The following GABRB2 variants were observed in gnomAD, a reference collection of about 807,000 sequenced individuals.
GABRB2 encodes gamma-aminobutyric acid receptor subunit beta-2.
GABRB2 carries 16 observed loss-of-function variants against 54.7 expected under a neutral mutation model. The observed-to-expected ratio is 0.29, with a 90% CI of 0.20 to 0.44. The LOEUF (loss-of-function observed/expected upper bound fraction) is 0.44. Among genes scored for constraint, GABRB2 ranks in the 20% least tolerant of loss-of-function variants. The pLI is 1.00. For synonymous variants in GABRB2, 244 were observed against 233.8 expected (o/e 1.04, Z -0.40); for missense variants, 355 against 644.0 (o/e 0.55, Z 4.86).
intron 3 of GABRB2, among the ~76,000 whole-genome samples, chr5:161,497,944 T>C (rs1581035343): frequency 6.6e-6 from 1 of 152,294 alleles, no homozygotes; most frequent in Non-Finnish European, 1.5e-5. Flanking sequence ...TTGGGGTTTT[T>C]AACTCAAATG....
At chr5:161,470,601 G>A (rs1758408146) in intron 3 of GABRB2, among the ~76,000 whole-genome samples, 2 of 151,792 alleles carry the variant, frequency 1.3e-5, no homozygotes, top group African/African-American at 4.8e-5. Context: ...TGATGAACAG[G>A]CAGATAACAC....
At chr5:161,518,820 C>A (rs910820394) in intron 3 of GABRB2, among the ~76,000 whole-genome samples, 1 of 152,138 alleles carries the variant, frequency 6.6e-6, no homozygotes, top group Non-Finnish European at 1.5e-5. Flanking sequence ...ATATGACAAA[C>A]TGCAATTTAT....
At chr5:161,397,448 A>G (rs1039426056) in intron 5 of GABRB2, among the ~76,000 whole-genome samples, 1 of 152,200 alleles carries the variant, frequency 6.6e-6, no homozygotes, top group Non-Finnish European at 1.5e-5. Flanking sequence ...TCAATAAATA[A>G]CCATAATAAA....
chr5:161,504,756 TAAA>T (rs554554929), intron 3 of GABRB2, among the ~76,000 whole-genome samples: 2 of 132,178 alleles, frequency 1.5e-5, no homozygotes, highest in Non-Finnish European at 3.3e-5. Context: ...TATCTGGAAT[TAAA>T]AAAAAAAGGT....
intron 9 of GABRB2, among the ~76,000 whole-genome samples, chr5:161,309,745 C>T (rs947435343): frequency 8.6e-5 from 13 of 152,006 alleles, no homozygotes; most frequent in African/African-American, 3.1e-4. Flanking sequence ...ATTCTCCTGC[C>T]TCAGCCTCCT....
chr5:161,400,418 C>A (rs1455461316), intron 5 of GABRB2, among the ~76,000 whole-genome samples: 3 of 152,068 alleles, frequency 2.0e-5, no homozygotes, highest in Non-Finnish European at 4.4e-5. Flanking sequence ...ACTAAGTAAA[C>A]ACGTTTGCAT....
At chr5:161,521,400 AT>A (rs1765282917) in intron 3 of GABRB2, among the ~76,000 whole-genome samples, 1 of 151,982 alleles carries the variant, frequency 6.6e-6, no homozygotes, top group Non-Finnish European at 1.5e-5. Context: ...TACGAACCAT[AT>A]AACTTTAGGT....
intron 4 of GABRB2, among the ~76,000 whole-genome samples, chr5:161,426,933 C>T (rs901081696): frequency 2.6e-5 from 4 of 152,054 alleles, no homozygotes; most frequent in Non-Finnish European, 5.9e-5. Context: ...TCATTTCATA[C>T]AAGCTGGAAG....
At chr5:161,500,982 C>A (rs1289399557) in intron 3 of GABRB2, among the ~76,000 whole-genome samples, 1 of 152,062 alleles carries the variant, frequency 6.6e-6, no homozygotes, top group Non-Finnish European at 1.5e-5. Flanking sequence ...TATCCCTCCC[C>A]CCTCCTCCCA....
At chr5:161,512,462 G>A (rs1759803970) in intron 3 of GABRB2, among the ~76,000 whole-genome samples, 1 of 151,994 alleles carries the variant, frequency 6.6e-6, no homozygotes, top group African/African-American at 2.4e-5. Flanking sequence ...AATAAGCAAT[G>A]GGGAAGGGAC....
chr5:161,495,628 G>T (rs1759216571), intron 3 of GABRB2, among the ~76,000 whole-genome samples: 2 of 152,006 alleles, frequency 1.3e-5, no homozygotes, highest in Non-Finnish European at 2.9e-5. Context: ...TGGCATTCAA[G>T]GCTCAATAAT....
rs148870334 is a variant in GABRB2 at position 161,311,363 on chromosome 5, G to T, written c.1191+15005C>A. ...AAGATATTTTAAAACAGCTTCACAC[G>T]CAATCTGTGATTCAAATGTGCAACT... On this transcript the variant is annotated intron_variant, in intron 9 of 9. Transcript: ENST00000393959. 6.0e-3 allele frequency among the ~76,000 whole-genome samples: 916 copies of T among 151,920 alleles called. 16 individuals are homozygous for T. Among genetic ancestry groups the T allele is most frequent in the African/African-American group, 0.021 (855 of 41,328 alleles).
chr5:161,444,297 C>T (rs369751368), intron 4 of GABRB2, among the ~76,000 whole-genome samples: 3 of 152,116 alleles, frequency 2.0e-5, no homozygotes, highest in East Asian at 1.9e-4. Context: ...AAGTTACATA[C>T]ATTTTAGTCA....
chr5:161,315,638 CTT>C (rs1309137395), intron 9 of GABRB2, among the ~76,000 whole-genome samples: 3 of 151,902 alleles, frequency 2.0e-5, no homozygotes, highest in Non-Finnish European at 4.4e-5. Context: ...TAAGAAGCAT[CTT>C]TTTATGGATT....
intron 5 of GABRB2, among the ~76,000 whole-genome samples, chr5:161,359,906 C>A (rs948509585): frequency 6.6e-6 from 1 of 152,124 alleles, no homozygotes; most frequent in South Asian, 2.1e-4. Flanking sequence ...CATGGTGAAA[C>A]CCCATGTGTA....
At chr5:161,527,638 T>C (rs765828926) in intron 3 of GABRB2, among the ~76,000 whole-genome samples, 25 of 151,470 alleles carry the variant, frequency 1.7e-4, no homozygotes, top group Admixed American at 2.6e-4. Flanking sequence ...AAAAAATGAA[T>C]TGTCCAATAG....
At chr5:161,525,106 A>G (rs1248579273) in intron 3 of GABRB2, among the ~76,000 whole-genome samples, 4 of 151,280 alleles carry the variant, frequency 2.6e-5, no homozygotes, top group Non-Finnish European at 5.9e-5. Context: ...TCTTCTAGCT[A>G]CTCAATTCTG....
At chr5:161,539,057 T>C (rs1249301936) in intron 3 of GABRB2, among the ~76,000 whole-genome samples, 2 of 152,196 alleles carry the variant, frequency 1.3e-5, no homozygotes, top group Admixed American at 1.3e-4. Context: ...GTAATTTGTG[T>C]ATGTGTTTAC....
intron 5 of GABRB2, among the ~76,000 whole-genome samples, chr5:161,378,137 A>G (rs560289305): frequency 6.6e-6 from 1 of 152,236 alleles, no homozygotes; most frequent in South Asian, 2.1e-4. Flanking sequence ...ATTTAAGACA[A>G]TAGGCTTACT....
Sources: allele counts gnomAD v4.1 joint callset (sites outside exome capture counted in the v4.1 genomes callset), GRCh38; gene constraint gnomAD v4.1.1; transcripts MANE v1.5; gene names NCBI Gene and HGNC (gene_info 2026-07-23, HGNC 2026-07-21).